Variants in UBE4A observed in about 807,000 individuals in gnomAD.
The protein encoded by UBE4A is ubiquitination factor E4A, also known as ubiquitin conjugation factor E4 A.
In UBE4A, 48 loss-of-function variants were observed where a neutral mutation model predicts 117.9. The observed-to-expected ratio is 0.41, with a 90% CI of 0.32 to 0.52. The LOEUF (loss-of-function observed/expected upper bound fraction) is 0.52, where lower values mean the gene tolerates loss of function less well. Ranked by LOEUF, UBE4A falls within the 20% of genes least tolerant of loss-of-function variation. UBE4A has a pLI of 0.33. For synonymous variants in UBE4A, 407 were observed against 450.0 expected (o/e 0.90, Z 1.21); for missense variants, 1,067 against 1,296.3 (o/e 0.82, Z 2.72).
In UBE4A at chr11:118,398,735, C is replaced by T. The variant is rs1948898440; in HGVS notation, c.*2295C>T. 1 of 164,774 alleles carries T rather than the reference C, an allele frequency of 6.1e-6. No individual in the cohort carries two copies. The highest frequency in any genetic ancestry group is 1.8e-4 in the East Asian group (1 of 5,700). The allele number at this position is 164,774 out of a possible 1,614,324, so 10.2% of individuals were successfully genotyped here. A position where few individuals can be genotyped will look rare whatever the true frequency, so the allele number is the denominator to read the frequency against. ...AGCTCTGGTATTGCTCATAACTTAC[C>T]AAGAGGCTAATACTAAACTTGGAAA... On this transcript the variant is annotated 3_prime_UTR_variant, in exon 20 of 20. Transcript: ENST00000252108.
At chr11:118,376,995 G>A (rs1948658339) in intron 10 of UBE4A, among the ~76,000 whole-genome samples, 1 of 151,928 alleles carries the variant, frequency 6.6e-6, no homozygotes, top group African/African-American at 2.4e-5. Flanking sequence ...GGAGGCCACA[G>A]TGAGCTATGA....
At chr11:118,380,134 C>CGCGT (rs1184259862) in intron 11 of UBE4A, among the ~76,000 whole-genome samples, 27 of 136,938 alleles carry the variant, frequency 2.0e-4, no homozygotes, top group South Asian at 4.5e-4. Context: ...TGTGTGTGTG[C>CGCGT]GTGTGTGTGT....
chr11:118,377,940 A>C (rs1948668006), intron 10 of UBE4A, among the ~76,000 whole-genome samples: 1 of 143,394 alleles, frequency 7.0e-6, no homozygotes, highest in Admixed American at 7.2e-5. Flanking sequence ...TTTCATTACT[A>C]CTCCTGGTGA....
chr11:118,376,777 C>T, intron 10 of UBE4A, 83 bp downstream of exon 10: 1 of 1,479,800 alleles, frequency 6.8e-7, no homozygotes, highest in Non-Finnish European at 9.1e-7. Flanking sequence ...TGGCCAGGCA[C>T]AGTAGCTCAC....
At chr11:118,378,763 G>A (rs1052653686) in intron 10 of UBE4A, 11 of 152,204 alleles carry the variant, frequency 7.2e-5, no homozygotes, top group Admixed American at 3.3e-4. Flanking sequence ...ATATCATCTA[G>A]TTTCCCAATA....
chr11:118,395,531 A>G (rs1327265731), intron 19 of UBE4A, among the ~76,000 whole-genome samples: 1 of 152,230 alleles, frequency 6.6e-6, no homozygotes, highest in African/African-American at 2.4e-5. Context: ...TTATGTTTCA[A>G]GAAACCATAA....
At position 118,375,158 on chromosome 11, in the gene UBE4A, T is replaced by A. The variant is rs1340584399; in HGVS notation, c.1379T>A (p.Phe460Tyr). The A allele has an allele frequency of 1.2e-6, 2 of 1,614,008 alleles. No homozygotes were observed. The highest frequency in any genetic ancestry group is 1.7e-6 in the Non-Finnish European group (2 of 1,180,014). The change falls in exon 9 of 20, where the codon TTT becomes TAT. Residue 460 changes from phenylalanine (F) to tyrosine (Y), a missense_variant. By Grantham distance (22) the Phe-to-Tyr change is conservative. Coordinates refer to ENST00000252108, the MANE Select transcript of UBE4A (RefSeq NM_001204077.2). ...CKPRSSRLLT[F>Y]NPTYCALKEL... is the part of the protein sequence containing the mutation. ...CCCAGATCCTCTCGGCTCCTCACCT[T>A]TAATCCCACATACTGTGCCCTCAAG...
chr11:118,376,982 G>C (rs1436370546), intron 10 of UBE4A, among the ~76,000 whole-genome samples: 1 of 152,018 alleles, frequency 6.6e-6, no homozygotes, highest in Admixed American at 6.6e-5. Context: ...TAGCCGAAGA[G>C]TTGGAGGCCA....
chr11:118,362,227 A>G (rs1488208003), intron 1 of UBE4A, among the ~76,000 whole-genome samples: 1 of 152,156 alleles, frequency 6.6e-6, no homozygotes, highest in Non-Finnish European at 1.5e-5. Flanking sequence ...GGTTCAAGCA[A>G]TTCTCCTGCC....
intron 15 of UBE4A, 65 bp downstream of exon 15, chr11:118,385,010 C>T: frequency 7.1e-7 from 1 of 1,399,710 alleles, no homozygotes; most frequent in East Asian, 2.3e-5. Flanking sequence ...GCAGTACATA[C>T]ATTTTACCTT....
chr11:118,386,333 G>GT (rs3216092), intron 15 of UBE4A, 105 bp from the exon 16 acceptor site: 212,560 of 1,298,568 alleles, frequency 0.16, 23,182 homozygotes, highest in East Asian at 0.5. Flanking sequence ...ATGGTCCCTC[G>GT]TTTTCCCAGC....
intron 19 of UBE4A, among the ~76,000 whole-genome samples, chr11:118,394,388 C>G (rs1277820069): frequency 6.6e-6 from 1 of 152,140 alleles, no homozygotes; most frequent in Non-Finnish European, 1.5e-5. Context: ...TCTCAAACTC[C>G]TGGGCTCAAG....
intron 18 of UBE4A, 59 bp downstream of exon 18, chr11:118,390,863 A>G: frequency 1.9e-6 from 3 of 1,582,606 alleles, no homozygotes; most frequent in East Asian, 2.3e-5. Context: ...TCAGCCAGGC[A>G]TGATGGCTCA....
chr11:118,379,517 A>G lies in UBE4A; in HGVS notation c.1643A>G (p.Gln548Arg). 1 of 1,614,228 alleles carries G rather than the reference A, an allele frequency of 6.2e-7. No homozygotes were observed. The part of the protein sequence containing the change: ...RLQVAWRDAQ[Q>R]SSSPAADNLR... Reference sequence around the variant, plus strand: ...CAGGTTGCCTGGCGGGATGCTCAGCAAAGTTCTAGCCCTGCTGCTGACAAT... The same window carrying G: ...CAGGTTGCCTGGCGGGATGCTCAGCGAAGTTCTAGCCCTGCTGCTGACAAT... Residue 548 changes from glutamine (Q) to arginine (R), a missense_variant, in exon 11 of 20, where the codon CAA becomes CGA. Around this residue, in one of 3 missense-constraint regions of UBE4A, gnomAD observed 1,001 missense variants for 1,184.0 expected, o/e 0.85. Transcript: ENST00000252108.
At chr11:118,374,592 A>G (rs1207251667) in intron 8 of UBE4A, among the ~76,000 whole-genome samples, 1 of 152,252 alleles carries the variant, frequency 6.6e-6, no homozygotes, top group Non-Finnish European at 1.5e-5. Context: ...AGAGTTGAAT[A>G]ATTGCTACAG....
chr11:118,386,574 C>G lies in UBE4A; in HGVS notation c.2549C>G (p.Ser850Cys). The change falls in exon 16 of 20, where the codon TCC becomes TGC. Residue 850 changes from serine (S) to cysteine (C), a missense_variant. Ser to Cys is a moderately radical substitution (Grantham distance 112). Coordinates refer to ENST00000252108, the MANE Select transcript of UBE4A (RefSeq NM_001204077.2). ...GQLARFHNIM[S>C]NETIGTLAFL... Reference sequence around the variant, plus strand: ...CTGGCACGTTTCCATAACATCATGTCCAATGAAACAATCGGTACCCTTGCC... The same window carrying G: ...CTGGCACGTTTCCATAACATCATGTGCAATGAAACAATCGGTACCCTTGCC... The G allele has an allele frequency of 6.3e-7, 1 of 1,592,558 alleles. No individual in the cohort carries two copies. Among genetic ancestry groups the G allele is most frequent in the Non-Finnish European group, 8.5e-7 (1 of 1,172,574 alleles).
chr11:118,378,140 G>A (rs868916132), intron 10 of UBE4A, among the ~76,000 whole-genome samples: 7 of 151,606 alleles, frequency 4.6e-5, no homozygotes, highest in African/African-American at 1.2e-4. Flanking sequence ...CCAGCTACTC[G>A]GGAGGTTGAA....
chr11:118,368,439 T>C (rs972238404), intron 2 of UBE4A, among the ~76,000 whole-genome samples, 192 bp from the exon 3 acceptor site: 3 of 152,300 alleles, frequency 2.0e-5, no homozygotes, highest in Non-Finnish European at 2.9e-5. Flanking sequence ...TTGTAAAATG[T>C]GGTAGGATTT....
chr11:118,398,766 TTAAGTA>T lies in UBE4A; in HGVS notation c.*2328_*2333del, dbSNP rs1423442375. The T allele has an allele frequency of 1.2e-5, 2 of 170,904 alleles. No individual in the cohort carries two copies. Among genetic ancestry groups the T allele is most frequent in the African/African-American group, 2.4e-5 (1 of 41,816 alleles). 10.6% of individuals were successfully genotyped at this position (170,904 alleles called of 1,614,324 possible). On this transcript the variant is annotated 3_prime_UTR_variant, in exon 20 of 20. Transcript: ENST00000252108. ...GCTAATACTAAACTTGGAAAATTGT[TTAAGTA>T]TGTTTTATCAAGCAGTCTGGGTTTT...
Sources: gnomAD v4.1 joint callset for allele counts (sites outside exome capture counted in the v4.1 genomes callset) on GRCh38, gnomAD v4.1.1 for gene constraint, gnomAD v4.1.1 regional missense constraint, MANE v1.5 for transcripts, NCBI Gene and HGNC (gene_info 2026-07-23, HGNC 2026-07-21) for gene names.